The following SLC22A9 variants were observed in gnomAD, a reference collection of about 807,000 sequenced individuals.
SLC22A9 encodes the protein solute carrier family 22 member 9, also known as organic anion transporter 7.
SLC22A9 carries 64 observed loss-of-function variants against 50.1 expected under a neutral mutation model. The observed-to-expected ratio is 1.28, with a 90% CI of 1.04 to 1.57. SLC22A9 has a LOEUF of 1.57. Among genes scored for constraint, SLC22A9 ranks in the 40% most tolerant of loss-of-function variants. The pLI is 0.00. For missense variants in SLC22A9, 757 were observed against 676.1 expected (o/e 1.12, Z -1.33); for synonymous variants, 261 against 242.5 (o/e 1.08, Z -0.71).
rs1555017440 is a variant in SLC22A9 at position 63,410,257 on chromosome 11, A to AGAAAGAAAGAAAGAAAG, written c.*395_*396insGAAAGAAAGAAAGAAAG. ...CTGTCTCAAAAAAAAAAAAAAAAAA[A>AGAAAGAAAGAAAGAAAG]AAAGAAAGAAGGAAAGAAAGAAAGA... On this transcript the variant is annotated 3_prime_UTR_variant, in exon 10 of 10. Transcript: ENST00000279178. 4 of 108,488 alleles carry AGAAAGAAAGAAAGAAAG rather than the reference A, an allele frequency of 3.7e-5. No individual in the cohort carries two copies. The highest frequency in any genetic ancestry group is 6.9e-4 in the South Asian group (2 of 2,912). 6.7% of individuals were successfully genotyped at this position (108,488 alleles called of 1,614,324 possible).
At chr11:63,388,385 G>A (rs1442546125) in intron 6 of SLC22A9, among the ~76,000 whole-genome samples, 1 of 151,166 alleles carries the variant, frequency 6.6e-6, no homozygotes, top group Non-Finnish European at 1.5e-5. Flanking sequence ...TATCAGAAAT[G>A]GATGTTGAAG....
chr11:63,394,926 G>C (rs951949453), intron 6 of SLC22A9, among the ~76,000 whole-genome samples: 1 of 150,920 alleles, frequency 6.6e-6, no homozygotes, highest in Admixed American at 6.6e-5. Context: ...ATATTTTCTT[G>C]TTCTTTTTTC....
chr11:63,397,836 G>C (rs996435935), intron 6 of SLC22A9, among the ~76,000 whole-genome samples: 2 of 152,108 alleles, frequency 1.3e-5, no homozygotes, highest in Non-Finnish European at 1.5e-5. Flanking sequence ...GCCCAGGCTT[G>C]GATTTATGGA....
At chr11:63,384,466 A>G (rs558009625) in intron 6 of SLC22A9, among the ~76,000 whole-genome samples, 2 of 152,298 alleles carry the variant, frequency 1.3e-5, no homozygotes, top group South Asian at 4.1e-4. Flanking sequence ...TGCAGAGGAC[A>G]TGATCGCATT....
At chr11:63,380,233 T>G (rs1052205872) in intron 5 of SLC22A9, among the ~76,000 whole-genome samples, 5 of 152,198 alleles carry the variant, frequency 3.3e-5, no homozygotes, top group African/African-American at 9.6e-5. Context: ...TTAAAAACTT[T>G]TGATGGAAAT....
intron 6 of SLC22A9, among the ~76,000 whole-genome samples, chr11:63,392,289 GTACT>G (rs1307246748): frequency 6.6e-6 from 1 of 151,958 alleles, no homozygotes; most frequent in African/African-American, 2.4e-5. Context: ...GTTTTTCTGT[GTACT>G]TACTTTTGCC....
chr11:63,377,676 G>A (rs2119885841), intron 5 of SLC22A9, among the ~76,000 whole-genome samples: 1 of 152,052 alleles, frequency 6.6e-6, no homozygotes, highest in East Asian at 1.9e-4. Flanking sequence ...AAAACCCAAA[G>A]CTAGCAGAAA....
At chr11:63,384,603 C>T (rs1336365776) in intron 6 of SLC22A9, among the ~76,000 whole-genome samples, 1 of 152,180 alleles carries the variant, frequency 6.6e-6, no homozygotes, top group African/African-American at 2.4e-5. Context: ...AATGAATGTA[C>T]GTGTGCAAGT....
At chr11:63,405,783 G>A (rs953857897) in intron 6 of SLC22A9, among the ~76,000 whole-genome samples, 3 of 152,086 alleles carry the variant, frequency 2.0e-5, no homozygotes, top group Non-Finnish European at 2.9e-5. Context: ...TTGTCTTGCA[G>A]TGGTTTTTGT....
chr11:63,387,591 C>T (rs2014691117), intron 6 of SLC22A9, among the ~76,000 whole-genome samples: 1 of 152,026 alleles, frequency 6.6e-6, no homozygotes. Flanking sequence ...AATGTGGTTC[C>T]TCCAGTTTTG....
At chr11:63,404,773 G>A (rs902198299) in intron 6 of SLC22A9, among the ~76,000 whole-genome samples, 4 of 152,086 alleles carry the variant, frequency 2.6e-5, no homozygotes, top group Admixed American at 1.3e-4. Flanking sequence ...GCTCTTATCC[G>A]ACCCATGTAC....
At chr11:63,404,282 G>A (rs1240627644) in intron 6 of SLC22A9, among the ~76,000 whole-genome samples, 2 of 152,094 alleles carry the variant, frequency 1.3e-5, no homozygotes, top group Non-Finnish European at 2.9e-5. Flanking sequence ...CATAGAAGCA[G>A]AAAGTAGGAT....
chr11:63,370,651 CCTG>C (rs1416904709), intron 1 of SLC22A9, among the ~76,000 whole-genome samples, 193 bp downstream of exon 1: 1 of 152,164 alleles, frequency 6.6e-6, no homozygotes, highest in African/African-American at 2.4e-5. Context: ...TAGAAGGCAT[CCTG>C]CTATTATAAT....
chr11:63,393,082 T>C (rs1273197538), intron 6 of SLC22A9, among the ~76,000 whole-genome samples: 2 of 152,220 alleles, frequency 1.3e-5, no homozygotes, highest in Non-Finnish European at 2.9e-5. Flanking sequence ...TTTGGCAGTA[T>C]GGTCATTTTC....
At chr11:63,394,992 G>A (rs748374334) in intron 6 of SLC22A9, among the ~76,000 whole-genome samples, 6 of 151,338 alleles carry the variant, frequency 4.0e-5, no homozygotes, top group African/African-American at 9.7e-5. Context: ...TCTTGTCTTC[G>A]AGCTCTGAAT....
chr11:63,404,136 A>T (rs1385416186), intron 6 of SLC22A9, among the ~76,000 whole-genome samples: 1 of 152,170 alleles, frequency 6.6e-6, no homozygotes, highest in African/African-American at 2.4e-5. Flanking sequence ...AAAATATGTT[A>T]TATACCTATA....
chr11:63,406,542 G>A lies in SLC22A9; in HGVS notation c.1119G>A (p.Gln373=), dbSNP rs755686767. ...ATTTTGGCCTTAATCTCCATGTCCA[G>A]CATCTGGGGAACAATGTTTTCCTGT... ...MAYFGLNLHV[Q]HLGNNVFLLQ... is the part of the protein sequence containing the mutation. The change falls in exon 7 of 10, where the codon CAG becomes CAA. Residue 373 remains glutamine, a synonymous_variant. Transcript: ENST00000279178. 13 of 1,613,664 alleles carry A rather than the reference G, an allele frequency of 8.1e-6. No homozygotes were observed. In the East Asian group the frequency reaches 2.9e-4, roughly 36 times the overall value.
chr11:63,410,257 A>AAAAAAAAAGGAAAGAAAGAAAG lies in SLC22A9; in HGVS notation c.*398_*399insAAAAAGGAAAGAAAGAAAGAAA. 9.2e-6 allele frequency: 1 copy of AAAAAAAAAGGAAAGAAAGAAAG among 108,468 alleles called. No individual in the cohort carries two copies. The highest frequency in any genetic ancestry group is 1.1e-4 in the Admixed American group (1 of 8,716). 6.7% of individuals were successfully genotyped at this position (108,468 alleles called of 1,614,324 possible). On this transcript the variant is annotated 3_prime_UTR_variant, in exon 10 of 10. Coordinates refer to ENST00000279178, the MANE Select transcript of SLC22A9 (RefSeq NM_080866.3). The stretch of plus-strand genomic sequence containing the variant: ...CTGTCTCAAAAAAAAAAAAAAAAAA[A>AAAAAAAAAGGAAAGAAAGAAAG]AAAGAAAGAAGGAAAGAAAGAAAGA...
At chr11:63,396,157 A>C (rs986048333) in intron 6 of SLC22A9, among the ~76,000 whole-genome samples, 1 of 152,106 alleles carries the variant, frequency 6.6e-6, no homozygotes, top group Non-Finnish European at 1.5e-5. Context: ...AAAGGGCTTT[A>C]GTTCTTTCTC....
Sources: gnomAD v4.1 joint callset for allele counts (sites outside exome capture counted in the v4.1 genomes callset) on GRCh38, gnomAD v4.1.1 for gene constraint, MANE v1.5 for transcripts, NCBI Gene and HGNC (gene_info 2026-07-23, HGNC 2026-07-21) for gene names.